Variants in ABCC4 observed in about 807,000 individuals in gnomAD.
ABCC4 encodes the protein ATP-binding cassette sub-family C member 4.
ABCC4 carries 102 observed loss-of-function variants against 168.5 expected under a neutral mutation model. That is an observed-to-expected ratio of 0.61 (90% CI 0.52 to 0.71). The LOEUF is 0.71. ABCC4 is among the 30% of genes least tolerant of loss of function. ABCC4 has a pLI of 0.00. For synonymous variants in ABCC4, 617 were observed against 590.7 expected (o/e 1.04, Z -0.65); for missense variants, 1,402 against 1,605.8 (o/e 0.87, Z 2.17).
At chr13:95,046,301 T>G (rs1214109548) in intron 27 of ABCC4, among the ~76,000 whole-genome samples, 3 of 152,206 alleles carry the variant, frequency 2.0e-5, no homozygotes, top group Non-Finnish European at 4.4e-5. Flanking sequence ...TTGCCCTTGA[T>G]TAAGGGGCCA....
At chr13:95,168,388 CTT>C (rs1416668095) in intron 14 of ABCC4, among the ~76,000 whole-genome samples, 1 of 152,190 alleles carries the variant, frequency 6.6e-6, no homozygotes, top group Non-Finnish European at 1.5e-5. Flanking sequence ...CGATAATCCT[CTT>C]AAGGGTGAGA....
Position 95,247,745 on chromosome 13 carries a change from T to G in ABCC4, c.83A>C (p.Asn28Thr). ...TTTATGGCCAATTTTAAACAAGGGA[T>G]TGAGCCACCTGTTAACAAGAGAAAA... ...LCSRVFFWWL[N>T]PLFKIGHKRR... The change falls in exon 2 of 31, where the codon AAT becomes ACT. Residue 28 changes from asparagine to threonine, a missense_variant. Coordinates refer to ENST00000645237, the MANE Select transcript of ABCC4 (RefSeq NM_005845.5). The G allele has an allele frequency of 6.2e-7, 1 of 1,612,460 alleles. No homozygotes were observed. The highest frequency in any genetic ancestry group is 8.5e-7 in the Non-Finnish European group (1 of 1,178,540).
intron 20 of ABCC4, among the ~76,000 whole-genome samples, chr13:95,090,009 C>T (rs183923467): frequency 2.6e-5 from 4 of 152,200 alleles, no homozygotes; most frequent in East Asian, 1.9e-4. Context: ...AGCTCTGGAT[C>T]GACTTCAAGA....
chr13:95,025,087 T>C (rs925039055), intron 30 of ABCC4, among the ~76,000 whole-genome samples: 1 of 151,728 alleles, frequency 6.6e-6, no homozygotes, highest in Non-Finnish European at 1.5e-5. Flanking sequence ...GGTGAGGTCC[T>C]GACAGAAGAC....
chr13:95,153,411 G>A (rs1186682270), intron 19 of ABCC4, among the ~76,000 whole-genome samples: 3 of 152,118 alleles, frequency 2.0e-5, no homozygotes, highest in Non-Finnish European at 2.9e-5. Context: ...ATGGGGGGGC[G>A]TTAAAACCAT....
chr13:95,115,984 A>C lies in ABCC4; in HGVS notation c.2473T>G (p.Phe825Val). The change falls in exon 20 of 31, where the codon TTC (phenylalanine) becomes GTC (valine). Residue 825 changes from phenylalanine to valine, a missense_variant. Around this residue, in one of 3 missense-constraint regions of ABCC4, gnomAD observed 1,007 missense variants for 1,127.3 expected, o/e 0.89. Transcript: ENST00000645237. ...TCCAAGTGTCCAATGTCTTTGGAGA[A>C]ACGATTTAAAATTCTTCCTGCAAGA... is the stretch of plus-strand genomic sequence containing the variant. ...RNPIGRILNR[F>V]SKDIGHLDDL... 6.2e-7 allele frequency: 1 copy of C among 1,612,478 alleles called. No homozygotes were observed. The highest frequency in any genetic ancestry group is 8.5e-7 in the Non-Finnish European group (1 of 1,179,580).
At chr13:95,151,518 A>G (rs566441582) in intron 19 of ABCC4, among the ~76,000 whole-genome samples, 3 of 147,612 alleles carry the variant, frequency 2.0e-5, no homozygotes, top group East Asian at 2.0e-4. Flanking sequence ...AGAGGAAAGA[A>G]GGAAGAAGGA....
chr13:95,171,965 T>G (rs1009364080), intron 13 of ABCC4, among the ~76,000 whole-genome samples: 3 of 152,300 alleles, frequency 2.0e-5, no homozygotes, highest in Admixed American at 6.5e-5. Context: ...CAAGATTGGC[T>G]GCCATTAGTC....
intron 1 of ABCC4, among the ~76,000 whole-genome samples, chr13:95,251,114 G>A (rs2040246476): frequency 6.6e-6 from 1 of 152,120 alleles, no homozygotes; most frequent in African/African-American, 2.4e-5. Flanking sequence ...TGTGGTATAA[G>A]AGGGAAAACA....
At chr13:95,092,553 A>C (rs1352887583) in intron 20 of ABCC4, among the ~76,000 whole-genome samples, 1 of 152,182 alleles carries the variant, frequency 6.6e-6, no homozygotes, top group Non-Finnish European at 1.5e-5. Context: ...CAACCTATCA[A>C]AACCTCTGGG....
chr13:95,161,134 C>T (rs1226344303), intron 19 of ABCC4, 55 bp downstream of exon 19: 8 of 1,401,926 alleles, frequency 5.7e-6, no homozygotes, highest in South Asian at 1.6e-5. Flanking sequence ...GTAATCAGAT[C>T]CTAAATGTGT....
At chr13:95,087,101 TAG>T (rs1232662978) in intron 20 of ABCC4, among the ~76,000 whole-genome samples, 1 of 152,020 alleles carries the variant, frequency 6.6e-6, no homozygotes, top group Non-Finnish European at 1.5e-5. Context: ...TCTTCTGATT[TAG>T]AGAGAAAAAA....
Position 95,234,678 on chromosome 13 carries a change from A to G in ABCC4, c.463T>C (p.Tyr155His). The part of the protein sequence containing the change: ...TLILAILHHL[Y>H]FYHVQCAGMR... ...CCAGCACACTGAACGTGATAAAAAT[A>G]TAAGTGATGCAGTATAGCCAAAATG... is the stretch of plus-strand genomic sequence containing the variant. The change falls in exon 4 of 31, where the codon TAT (tyrosine) becomes CAT (histidine). Residue 155 changes from tyrosine to histidine, a missense_variant. By Grantham distance (83) the Tyr-to-His change is moderately conservative. This residue lies in a region of ABCC4 where 317 missense variants were observed against 345.5 expected (regional missense o/e 0.92). Coordinates refer to ENST00000645237, the MANE Select transcript of ABCC4 (RefSeq NM_005845.5). 1.2e-6 allele frequency: 2 copies of G among 1,614,180 alleles called. No individual in the cohort carries two copies. The highest frequency in any genetic ancestry group is 1.3e-5 in the African/African-American group (1 of 75,056).
At chr13:95,273,552 T>C (rs1291221709) in intron 1 of ABCC4, among the ~76,000 whole-genome samples, 1 of 152,170 alleles carries the variant, frequency 6.6e-6, no homozygotes. Context: ...TTCTGTTCCA[T>C]GGGGACTATT....
At chr13:95,045,662 G>A (rs1289765829) in intron 27 of ABCC4, among the ~76,000 whole-genome samples, 1 of 152,190 alleles carries the variant, frequency 6.6e-6, no homozygotes, top group Non-Finnish European at 1.5e-5. Context: ...GTTCACTGAT[G>A]TTTGTTTTGG....
intron 30 of ABCC4, 28 bp downstream of exon 30, chr13:95,034,577 T>A: frequency 6.2e-7 from 1 of 1,605,000 alleles, no homozygotes; most frequent in African/African-American, 1.3e-5. Flanking sequence ...AGACAAACTT[T>A]AATTACAACT....
chr13:95,246,454 C>T (rs1039520631), intron 3 of ABCC4, among the ~76,000 whole-genome samples: 1 of 152,190 alleles, frequency 6.6e-6, no homozygotes, highest in Non-Finnish European at 1.5e-5. Flanking sequence ...CTCTGTTTCC[C>T]CGAGAGGGGA....
At chr13:95,269,962 T>C (rs182370947) in intron 1 of ABCC4, among the ~76,000 whole-genome samples, 74 of 152,296 alleles carry the variant, frequency 4.9e-4, no homozygotes, top group Admixed American at 1.2e-3. Context: ...AGGGTTAAGA[T>C]TGGCTGGGAA....
intron 25 of ABCC4, among the ~76,000 whole-genome samples, chr13:95,069,682 CATGTAA>C (rs1327259078): frequency 6.6e-6 from 1 of 152,160 alleles, no homozygotes. Flanking sequence ...CAGGTACCCA[CATGTAA>C]GTGGAACCTT....
Sources: gnomAD v4.1 joint callset for allele counts (sites outside exome capture counted in the v4.1 genomes callset) on GRCh38, gnomAD v4.1.1 for gene constraint, gnomAD v4.1.1 regional missense constraint, MANE v1.5 for transcripts, NCBI Gene and HGNC (gene_info 2026-07-23, HGNC 2026-07-21) for gene names.